The following SLX4IP variants were observed in gnomAD, a reference collection of about 807,000 sequenced individuals.
The protein encoded by SLX4IP is protein SLX4IP.
In SLX4IP, 34 loss-of-function variants were observed where a neutral mutation model predicts 32.9. The observed-to-expected ratio is 1.03, with a 90% CI of 0.79 to 1.38. The LOEUF (loss-of-function observed/expected upper bound fraction) is 1.38. SLX4IP is among the 40% of genes most tolerant of loss of function. The pLI, the probability that SLX4IP is intolerant of heterozygous loss-of-function variation, is 0.00. For synonymous variants in SLX4IP, 172 were observed against 171.7 expected, an observed-to-expected ratio of 1.00 and a Z score of -0.01; for missense variants, 444 against 479.0, an observed-to-expected ratio of 0.93 and a Z score of 0.68.
chr20:10,438,398 CA>C (rs2065133067), intron 1 of SLX4IP, among the ~76,000 whole-genome samples: 1 of 151,944 alleles, frequency 6.6e-6, no homozygotes, highest in Admixed American at 6.6e-5. Flanking sequence ...GTCATCCCTC[CA>C]GCCACTCCTC....
intron 6 of SLX4IP, among the ~76,000 whole-genome samples, chr20:10,620,227 T>G (rs1467544120): frequency 6.6e-6 from 1 of 152,192 alleles, no homozygotes; most frequent in Admixed American, 6.5e-5. Context: ...GAAGAATACT[T>G]AGTTTCTCAG....
intron 2 of SLX4IP, among the ~76,000 whole-genome samples, chr20:10,480,299 C>T (rs561005478): frequency 4.6e-5 from 7 of 151,874 alleles, no homozygotes; most frequent in South Asian, 4.2e-4. Flanking sequence ...GGGATTGGGG[C>T]CGAGATGGGA....
intron 5 of SLX4IP, among the ~76,000 whole-genome samples, chr20:10,599,358 G>T (rs1443141550): frequency 1.3e-5 from 2 of 152,166 alleles, no homozygotes; most frequent in Non-Finnish European, 2.9e-5. Flanking sequence ...ATAGAGGCTT[G>T]CTGTGGAATC....
chr20:10,570,477 T>C (rs1272930387), intron 4 of SLX4IP, among the ~76,000 whole-genome samples: 1 of 151,998 alleles, frequency 6.6e-6, no homozygotes, highest in African/African-American at 2.4e-5. Context: ...TCATGTACTC[T>C]GGGCATCGTG....
At chr20:10,443,230 AAAAC>A (rs1282383955) in intron 1 of SLX4IP, among the ~76,000 whole-genome samples, 6 of 152,226 alleles carry the variant, frequency 3.9e-5, no homozygotes, top group African/African-American at 1.4e-4. Flanking sequence ...AAAAAAAACA[AAAAC>A]AAAAACAAAA....
chr20:10,558,560 TG>T (rs2122499604), intron 3 of SLX4IP, among the ~76,000 whole-genome samples: 1 of 152,288 alleles, frequency 6.6e-6, no homozygotes, highest in East Asian at 1.9e-4. Context: ...TTTTATACAG[TG>T]AAAGCCTAAG....
intron 4 of SLX4IP, among the ~76,000 whole-genome samples, chr20:10,590,005 T>A (rs2122536070): frequency 6.6e-6 from 1 of 152,236 alleles, no homozygotes; most frequent in Admixed American, 6.5e-5. Flanking sequence ...TTTTCGCAGC[T>A]TCCAAACTGC....
At chr20:10,518,222 A>C (rs186432860) in intron 2 of SLX4IP, among the ~76,000 whole-genome samples, 11 of 152,356 alleles carry the variant, frequency 7.2e-5, no homozygotes, top group Non-Finnish European at 1.3e-4. Context: ...TCTGTTAGGA[A>C]GATATACTTG....
chr20:10,562,793 GT>G (rs1376247623), intron 4 of SLX4IP, among the ~76,000 whole-genome samples: 1 of 152,030 alleles, frequency 6.6e-6, no homozygotes, highest in Non-Finnish European at 1.5e-5. Context: ...CATACAGCAC[GT>G]TTTCTTTATC....
chr20:10,598,309 C>T (rs182591600), intron 4 of SLX4IP, among the ~76,000 whole-genome samples: 2 of 152,300 alleles, frequency 1.3e-5, no homozygotes, highest in East Asian at 1.9e-4. Context: ...CGCTCTGTCA[C>T]TCAGGCTGGC....
intron 1 of SLX4IP, among the ~76,000 whole-genome samples, chr20:10,451,448 C>T (rs2065241451): frequency 6.6e-6 from 1 of 152,098 alleles, no homozygotes; most frequent in Non-Finnish European, 1.5e-5. Flanking sequence ...GTGTGAACCA[C>T]CGCGCCTGGC....
chr20:10,480,875 C>T (rs2065515286), intron 2 of SLX4IP, among the ~76,000 whole-genome samples: 1 of 152,158 alleles, frequency 6.6e-6, no homozygotes, highest in African/African-American at 2.4e-5. Context: ...TTGGCTCTTA[C>T]TTTCTTTCTC....
chr20:10,559,812 C>T (rs2066310696), intron 3 of SLX4IP, among the ~76,000 whole-genome samples: 1 of 152,124 alleles, frequency 6.6e-6, no homozygotes, highest in South Asian at 2.1e-4. Flanking sequence ...AAATGTTAAT[C>T]TACTTTAGAG....
At chr20:10,601,864 C>G in intron 6 of SLX4IP, 45 bp downstream of exon 6, 1 of 1,504,410 alleles carries the variant, frequency 6.6e-7, no homozygotes, top group Non-Finnish European at 9.2e-7. Context: ...TGCTTAAATG[C>G]TGAGTTACTG....
intron 4 of SLX4IP, among the ~76,000 whole-genome samples, chr20:10,561,552 T>C (rs576043308): frequency 1.1e-4 from 16 of 150,858 alleles, no homozygotes; most frequent in African/African-American, 2.9e-4. Flanking sequence ...TTTCTTTTTT[T>C]TTTTTTGGTT....
intron 4 of SLX4IP, among the ~76,000 whole-genome samples, chr20:10,561,545 C>CTTTTTTTTTTT (rs749781715): frequency 2.2e-5 from 3 of 139,148 alleles, no homozygotes; most frequent in African/African-American, 8.0e-5. Flanking sequence ...TTTCTTTTTT[C>CTTTTTTTTTTT]TTTTTTTTTT....
intron 2 of SLX4IP, among the ~76,000 whole-genome samples, chr20:10,487,266 A>C (rs2122390551): frequency 6.6e-6 from 1 of 152,302 alleles, no homozygotes; most frequent in Non-Finnish European, 1.5e-5. Context: ...TTCCAAGGCC[A>C]GCTGTAGATC....
At chr20:10,443,945 C>T (rs2065179317) in intron 1 of SLX4IP, among the ~76,000 whole-genome samples, 1 of 152,170 alleles carries the variant, frequency 6.6e-6, no homozygotes, top group Non-Finnish European at 1.5e-5. Context: ...GAGGCCTCCC[C>T]AGCCATGCTT....
intron 1 of SLX4IP, among the ~76,000 whole-genome samples, chr20:10,441,220 G>C (rs1247510803): frequency 1.3e-5 from 2 of 152,112 alleles, no homozygotes; most frequent in African/African-American, 4.8e-5. Flanking sequence ...TGGAGTGCTT[G>C]AGCTCAGGAC....
Sources: allele counts gnomAD v4.1 joint callset (sites outside exome capture counted in the v4.1 genomes callset), GRCh38; gene constraint gnomAD v4.1.1; transcripts MANE v1.5; gene names NCBI Gene and HGNC (gene_info 2026-07-23, HGNC 2026-07-21).